The following ATAD3C variants were observed in gnomAD, a reference collection of about 807,000 sequenced individuals.
ATAD3C encodes the protein ATPase family AAA domain-containing protein 3C.
ATAD3C carries 38 observed loss-of-function variants against 46.3 expected under a neutral mutation model. The ratio of observed to expected loss-of-function variants is 0.82; its 90% CI spans 0.63 to 1.08. ATAD3C has a LOEUF of 1.08. Ranked by LOEUF, ATAD3C falls within the 50% of genes least tolerant of loss-of-function variation. The probability of loss-of-function intolerance (pLI) is 0.00; values close to 1 mark genes in which losing one functional copy is unlikely to be tolerated. For missense variants in ATAD3C, 563 were observed against 572.7 expected, an observed-to-expected ratio of 0.98 and a Z score of 0.17; for synonymous variants, 220 against 236.4, an observed-to-expected ratio of 0.93 and a Z score of 0.63.
At position 1,452,490 on chromosome 1, in the gene ATAD3C, C is replaced by A. The variant is rs557919320; in HGVS notation, c.222+56C>A. On this transcript the variant is annotated intron_variant, in intron 3 of 11. Coordinates refer to ENST00000378785, the MANE Select transcript of ATAD3C (RefSeq NM_001039211.3). ...GTGGCTGAGGGGCAGCATGTGGGGG[C>A]CTCCTGGAGCCACAGGTCCTATCCC... The A allele has an allele frequency of 3.7e-6, 6 of 1,610,816 alleles. No homozygotes were observed. In the African/African-American group the frequency reaches 5.3e-5, roughly 14 times the overall value.
chr1:1,459,040 G>A lies in ATAD3C; in HGVS notation c.742-121G>A. On this transcript the variant is annotated intron_variant, in intron 8 of 11. Transcript: ENST00000378785. The surrounding 1 kb of genome is among the most constrained non-coding windows in gnomAD (Gnocchi z 4.9). The stretch of plus-strand genomic sequence containing the variant: ...GGCCCTGGTCAGGCTTTTGAGTCTA[G>A]ATCCGTGAAAGTGTCGCCATGTCCC... 3.9e-6 allele frequency: 6 copies of A among 1,557,828 alleles called. No homozygotes were observed. Among genetic ancestry groups the A allele is most frequent in the Non-Finnish European group, 5.2e-6 (6 of 1,151,348 alleles).
chr1:1,455,003 C>A (rs568993873), intron 4 of ATAD3C, among the ~76,000 whole-genome samples: 1 of 151,628 alleles, frequency 6.6e-6, no homozygotes, highest in Non-Finnish European at 1.5e-5. Context: ...ATCATGAGGT[C>A]AGGACATCGA....
At chr1:1,453,588 T>C (rs537252699) in intron 3 of ATAD3C, among the ~76,000 whole-genome samples, 1 of 151,862 alleles carries the variant, frequency 6.6e-6, no homozygotes, top group Non-Finnish European at 1.5e-5. Flanking sequence ...CCACCCATCT[T>C]GGCCTCCCAA....
At chr1:1,453,913 T>C (rs1638905544) in intron 3 of ATAD3C, among the ~76,000 whole-genome samples, 1 of 152,012 alleles carries the variant, frequency 6.6e-6, no homozygotes, top group African/African-American at 2.4e-5. Context: ...AGTGCTGGGA[T>C]TACAGACCTG....
chr1:1,457,275 T>C (rs1002553324), intron 8 of ATAD3C, 95 bp downstream of exon 8: 18 of 1,576,226 alleles, frequency 1.1e-5, no homozygotes, highest in East Asian at 1.1e-4. Context: ...GCTCAATTTC[T>C]TTTTCTCTAA....
chr1:1,456,890 G>T (rs563341119), intron 7 of ATAD3C, among the ~76,000 whole-genome samples: 5,262 of 151,848 alleles, frequency 0.035, 170 homozygotes, highest in Non-Finnish European at 0.051. Flanking sequence ...CCTGTCCCTG[G>T]TGTGGACTCT....
intron 10 of ATAD3C, among the ~76,000 whole-genome samples, chr1:1,461,283 A>G (rs72896285): frequency 0.13 from 19,351 of 151,776 alleles, 3,022 homozygotes; most frequent in East Asian, 0.46. Flanking sequence ...TGCCTCCTGG[A>G]TTCACGCGAT....
chr1:1,455,202 G>C (rs1030392411), intron 4 of ATAD3C, among the ~76,000 whole-genome samples: 27 of 115,070 alleles, frequency 2.3e-4, no homozygotes, highest in African/African-American at 9.8e-4. Flanking sequence ...GGGCGACAGA[G>C]TGAGACTCCG....
Position 1,468,292 on chromosome 1 carries a change from G to A in ATAD3C, c.1090-92G>A, listed in dbSNP as rs1270114083. ...ACGCTCAGGCCATCCTGGAGCCCCT[G>A]GTTTGGTCCCTCCCCACCTCAGGGC... On this transcript the variant is annotated intron_variant, in intron 11 of 11. Coordinates refer to ENST00000378785, the MANE Select transcript of ATAD3C (RefSeq NM_001039211.3). The A allele has an allele frequency of 1.5e-5, 22 of 1,491,678 alleles. No individual in the cohort carries two copies. In the Admixed American group the frequency reaches 1.8e-4, roughly 13 times the overall value. The allele number at this position is 1,491,678 out of a possible 1,614,324, so 92.4% of individuals were successfully genotyped here.
chr1:1,457,026 C>A (rs997818108), intron 7 of ATAD3C, 103 bp from the exon 8 acceptor site: 6 of 1,507,702 alleles, frequency 4.0e-6, no homozygotes, highest in Non-Finnish European at 4.6e-6. Context: ...AGCCTGACCC[C>A]GTGGGGATCT....
At chr1:1,458,003 A>G (rs982951040) in intron 8 of ATAD3C, among the ~76,000 whole-genome samples, 4 of 151,342 alleles carry the variant, frequency 2.6e-5, no homozygotes, top group Non-Finnish European at 5.9e-5. Context: ...ATTTGAGACA[A>G]AGTCTCACTC....
At position 1,459,794 on chromosome 1, in the gene ATAD3C, G is replaced by T. The variant is rs1468589357; in HGVS notation, c.812+563G>T. Among the ~76,000 whole-genome samples, 1 of 151,986 alleles carries T rather than the reference G, an allele frequency of 6.6e-6. No individual in the cohort carries two copies. ...TCCCCCATAGGGTGACCGCCCCATG[G>T]CCAGTCTCCCTAGTCCCTCCCAAGT... On this transcript the variant is annotated intron_variant, in intron 9 of 11. Coordinates refer to ENST00000378785, the MANE Select transcript of ATAD3C (RefSeq NM_001039211.3). This position sits in a 1 kb window ranked among gnomAD's most constrained non-coding sequence, Gnocchi z 4.9.
chr1:1,451,289 G>T (rs925406941), intron 1 of ATAD3C, among the ~76,000 whole-genome samples: 2 of 151,866 alleles, frequency 1.3e-5, no homozygotes, highest in Non-Finnish European at 2.9e-5. Context: ...GCCTGCCTCA[G>T]CCTCCCAAAG....
chr1:1,451,885 C>G (rs111237704), intron 1 of ATAD3C, among the ~76,000 whole-genome samples, 161 bp from the exon 2 acceptor site: 1 of 152,038 alleles, frequency 6.6e-6, no homozygotes. Flanking sequence ...CCGTCCCGGC[C>G]GATGTCACCC....
intron 10 of ATAD3C, 33 bp downstream of exon 10, chr1:1,460,950 G>C (rs1049778931): frequency 6.3e-7 from 1 of 1,577,388 alleles, no homozygotes; most frequent in Non-Finnish European, 8.6e-7. Flanking sequence ...CCCCGTCCAG[G>C]GGCCCTCGCT....
Position 1,452,270 on chromosome 1 carries a change from C to T in ATAD3C, c.153-95C>T. The T allele has an allele frequency of 8.1e-6, 13 of 1,598,082 alleles. No homozygotes were observed. In the South Asian group the frequency reaches 1.4e-4, roughly 18 times the overall value. On this transcript the variant is annotated intron_variant, in intron 2 of 11. Transcript: ENST00000378785. ...CACTGCCCCCCTGTCCTGGCAGGACCAGGCTGCTGTGTCAAGGCCTCACCC... is the reference window on the plus strand; with the variant it reads ...CACTGCCCCCCTGTCCTGGCAGGACTAGGCTGCTGTGTCAAGGCCTCACCC...
At chr1:1,454,712 C>T (rs1002174340) in intron 4 of ATAD3C, among the ~76,000 whole-genome samples, 75 of 151,944 alleles carry the variant, frequency 4.9e-4, no homozygotes, top group Middle Eastern at 3.4e-3. Flanking sequence ...TCGGTGTCCC[C>T]TGCTCAGGGC....
rs767744235 is a variant in ATAD3C at position 1,459,234 on chromosome 1, G to A, written c.812+3G>A. 1.2e-6 allele frequency: 2 copies of A among 1,612,328 alleles called. No individual in the cohort carries two copies. Among genetic ancestry groups the A allele is most frequent in the East Asian group, 2.2e-5 (1 of 44,844 alleles). ...CGCACGGGCCAGCACAGCAACAAGTGAGGGAGCCCCTCGGGTCCTGGGCCC... is the reference window on the plus strand; with the variant it reads ...CGCACGGGCCAGCACAGCAACAAGTAAGGGAGCCCCTCGGGTCCTGGGCCC... On this transcript the variant is annotated splice_donor_region_variant and intron_variant, in intron 9 of 11. Transcript: ENST00000378785. This position sits in a 1 kb window ranked among gnomAD's most constrained non-coding sequence, Gnocchi z 4.9.
chr1:1,457,579 C>G lies in ATAD3C; in HGVS notation c.741+399C>G, dbSNP rs866607040. Among the ~76,000 whole-genome samples the G allele has an allele frequency of 3.4e-4, 38 of 113,136 alleles. 1 individual carries two copies. The highest frequency in any genetic ancestry group is 9.5e-4 in the African/African-American group (25 of 26,226). The allele number at this position is 113,136 out of a possible 152,430, so 74.2% of individuals were successfully genotyped here. A position where few individuals can be genotyped will look rare whatever the true frequency, so the allele number is the denominator to read the frequency against. The stretch of plus-strand genomic sequence containing the variant: ...CTGCTGCACTCCAGCCTGGGCGACA[C>G]AGCGAGACTTCATCTCAAAAAAAAA... On this transcript the variant is annotated intron_variant, in intron 8 of 11. Transcript: ENST00000378785.
Sources: gnomAD v4.1 joint callset for allele counts (sites outside exome capture counted in the v4.1 genomes callset) on GRCh38, gnomAD v4.1.1 for gene constraint, Gnocchi (gnomAD v3.1) non-coding constraint, MANE v1.5 for transcripts, NCBI Gene and HGNC (gene_info 2026-07-23, HGNC 2026-07-21) for gene names.